The following IDI1 variants were observed in gnomAD, a reference collection of about 807,000 sequenced individuals.
The protein encoded by IDI1 is isopentenyl-diphosphate delta isomerase 1.
IDI1 carries 23 observed loss-of-function variants against 32.9 expected under a neutral mutation model. The ratio of observed to expected loss-of-function variants is 0.70; its 90% CI spans 0.50 to 0.99. IDI1 has a LOEUF of 0.99. IDI1 is among the 50% of genes least tolerant of loss of function. The probability of loss-of-function intolerance (pLI) is 0.00; values close to 1 mark genes in which losing one functional copy is unlikely to be tolerated. For synonymous variants in IDI1, 133 were observed against 128.2 expected (o/e 1.04, Z -0.25); for missense variants, 326 against 351.9 (o/e 0.93, Z 0.59).
upstream of IDI1, among the ~76,000 whole-genome samples, chr10:1,051,116 T>G (rs1404613673): frequency 6.6e-6 from 1 of 152,250 alleles, no homozygotes; most frequent in Non-Finnish European, 1.5e-5. Context: ...GTGCGTGATG[T>G]TGAAATGTCA....
At chr10:1,046,361 A>G (rs1039961294) in intron 1 of IDI1, among the ~76,000 whole-genome samples, 1 of 152,202 alleles carries the variant, frequency 6.6e-6, no homozygotes, top group African/African-American at 2.4e-5. Context: ...GTTTAGATAC[A>G]CAAATACTTG....
chr10:1,043,855 T>A, intron 2 of IDI1, 144 bp downstream of exon 2: 3 of 698,390 alleles, frequency 4.3e-6, no homozygotes, highest in Non-Finnish European at 7.5e-6. Flanking sequence ...CAGATGCTAA[T>A]GACCACACTA....
Position 1,041,114 on chromosome 10 carries a change from TA to T in IDI1, c.*72del. The T allele has an allele frequency of 1.2e-6, 1 of 854,182 alleles. No homozygotes were observed. The highest frequency in any genetic ancestry group is 1.8e-6 in the Non-Finnish European group (1 of 558,534). The allele number at this position is 854,182 out of a possible 1,614,324, so 52.9% of individuals were successfully genotyped here. ...TTTAATGATAAATTAATGATAGAAC[TA>T]AATTTAAAAGGAAAAAGTCATTCTA... On this transcript the variant is annotated 3_prime_UTR_variant, in exon 5 of 5. Transcript: ENST00000381344.
At chr10:1,042,846 AAAATG>A (rs1832658416) in intron 3 of IDI1, 84 bp from the exon 4 acceptor site, 1 of 1,182,066 alleles carries the variant, frequency 8.5e-7, no homozygotes, top group African/African-American at 1.5e-5. Context: ...AAGTAACTGA[AAAATG>A]AAATGATTTT....
At chr10:1,044,223 T>C (rs773551842) in intron 1 of IDI1, 52 bp from the exon 2 acceptor site, 4 of 1,387,864 alleles carry the variant, frequency 2.9e-6, no homozygotes, top group Non-Finnish European at 3.0e-6. Context: ...TTTCTGAATG[T>C]CATATAAACA....
Position 1,043,292 on chromosome 10 carries a change from T to C in IDI1, c.406+9A>G. ...CAAACACAATATTGTACATTAAAAG[T>C]GTACTAACCTGGAAAGGTAATCTTA... On this transcript the variant is annotated intron_variant, in intron 3 of 4. Transcript: ENST00000381344. 3.3e-6 allele frequency: 5 copies of C among 1,499,974 alleles called. No homozygotes were observed. The highest frequency in any genetic ancestry group is 3.7e-6 in the Non-Finnish European group (4 of 1,078,378). The allele number at this position is 1,499,974 out of a possible 1,614,324, so 92.9% of individuals were successfully genotyped here. A position where few individuals can be genotyped will look rare whatever the true frequency, so the allele number is the denominator to read the frequency against.
chr10:1,043,603 T>C (rs1283196498), intron 2 of IDI1: 1 of 678,592 alleles, frequency 1.5e-6, no homozygotes, highest in Non-Finnish European at 2.7e-6. Context: ...GAAATGGTGA[T>C]GCTGGTGGCC....
rs776373833 is a variant in IDI1 at position 1,039,892 on chromosome 10, C to T, written c.*1295G>A. The T allele has an allele frequency of 4.6e-5, 7 of 152,162 alleles. No homozygotes were observed. The highest frequency in any genetic ancestry group is 8.8e-5 in the Non-Finnish European group (6 of 68,008). 9.4% of individuals were successfully genotyped at this position (152,162 alleles called of 1,614,324 possible). On this transcript the variant is annotated 3_prime_UTR_variant, in exon 5 of 5. Coordinates refer to ENST00000381344, the MANE Select transcript of IDI1 (RefSeq NM_004508.4). ...TCCTATTAGTGTATCAAAATTTTAA[C>T]AAACTAAACACAGTATTAAATTGCA...
chr10:1,045,829 C>A (rs796380761), intron 1 of IDI1, among the ~76,000 whole-genome samples: 8 of 151,858 alleles, frequency 5.3e-5, no homozygotes, highest in African/African-American at 1.9e-4. Flanking sequence ...GTTTAAACAG[C>A]TACTTAATAC....
intron 1 of IDI1, among the ~76,000 whole-genome samples, chr10:1,047,768 A>G (rs974778275): frequency 1.3e-5 from 2 of 152,282 alleles, no homozygotes; most frequent in Admixed American, 6.5e-5. Context: ...CGAACGTTAA[A>G]TTATCATCTG....
the IDI1 span, among the ~76,000 whole-genome samples, chr10:1,055,097 A>ATTTTG: frequency 2.6e-5 from 4 of 152,212 alleles, no homozygotes; most frequent in African/African-American, 9.7e-5. Flanking sequence ...AGTTTGCAGT[A>ATTTTG]TTTTGTTCCT....
chr10:1,055,284 C>G, the IDI1 span, among the ~76,000 whole-genome samples: 5 of 152,144 alleles, frequency 3.3e-5, no homozygotes, highest in Non-Finnish European at 7.4e-5. Flanking sequence ...AAATTAGTTA[C>G]AAAAGATGTA....
At chr10:1,045,886 T>TGTGTGTGA (rs1266171192) in intron 1 of IDI1, among the ~76,000 whole-genome samples, 1 of 132,004 alleles carries the variant, frequency 7.6e-6, no homozygotes, top group Non-Finnish European at 1.7e-5. Flanking sequence ...TGTGTGTGTG[T>TGTGTGTGA]GTGTGTGTGA....
chr10:1,050,308 T>C (rs184665166), upstream of IDI1, among the ~76,000 whole-genome samples: 31 of 152,380 alleles, frequency 2.0e-4, no homozygotes, highest in Admixed American at 2.0e-3. Flanking sequence ...ATCTCTTTCA[T>C]GTCTGGCTTC....
At chr10:1,052,286 C>T (rs1054917585), upstream of IDI1, among the ~76,000 whole-genome samples, 1 of 152,238 alleles carries the variant, frequency 6.6e-6, no homozygotes, top group Admixed American at 6.5e-5. Context: ...CACATCTTCA[C>T]CAGGATTAGG....
upstream of IDI1, among the ~76,000 whole-genome samples, chr10:1,054,027 T>C (rs538045360): frequency 2.0e-5 from 3 of 152,236 alleles, no homozygotes; most frequent in African/African-American, 7.2e-5. Context: ...CTGTCTTATA[T>C]AGGGGTGGTT....
At chr10:1,043,687 A>G (rs566734040) in intron 2 of IDI1, 4 of 639,630 alleles carry the variant, frequency 6.3e-6, no homozygotes, top group South Asian at 3.0e-5. Context: ...GCTTCCCTGC[A>G]TGGTGCCCGC....
chr10:1,048,375 T>C, intron 1 of IDI1: 1 of 1,305,024 alleles, frequency 7.7e-7, no homozygotes. Flanking sequence ...GCGCCTTGAG[T>C]GTGTTGCTGT....
At chr10:1,042,440 G>C (rs767744648) in intron 4 of IDI1, 192 bp downstream of exon 4, 155 of 574,740 alleles carry the variant, frequency 2.7e-4, no homozygotes, top group South Asian at 5.0e-4. Context: ...CCCGTATTGA[G>C]CTAAGTTTTG....
Sources: allele counts gnomAD v4.1 joint callset (sites outside exome capture counted in the v4.1 genomes callset), GRCh38; gene constraint gnomAD v4.1.1; transcripts MANE v1.5; gene names NCBI Gene and HGNC (gene_info 2026-07-23, HGNC 2026-07-21).